Variants in ABCA9 observed in about 807,000 individuals in gnomAD.
ABCA9 encodes ATP binding cassette subfamily A member 9.
Under a neutral mutation model 205.3 loss-of-function variants are expected in ABCA9, and 183 were observed. The ratio of observed to expected loss-of-function variants is 0.89; its 90% confidence interval spans 0.79 to 1.01. The LOEUF (loss-of-function observed/expected upper bound fraction) is 1.01, where lower values mean the gene tolerates loss of function less well. Ranked by LOEUF, ABCA9 falls within the 50% of genes least tolerant of loss-of-function variation. The pLI is 0.00. For synonymous variants in ABCA9, 651 were observed against 683.3 expected, an observed-to-expected ratio of 0.95 and a Z score of 0.74; for missense variants, 1,805 against 1,912.4, an observed-to-expected ratio of 0.94 and a Z score of 1.05.
chr17:69,063,714 A>G (rs532021360), upstream of ABCA9, among the ~76,000 whole-genome samples: 9 of 152,206 alleles, frequency 5.9e-5, no homozygotes, highest in Admixed American at 5.9e-4. Flanking sequence ...CTGGAACTAC[A>G]GGCGCCCGCC....
Position 68,994,882 on chromosome 17 carries a change from G to A in ABCA9, c.3555+1013C>T, listed in dbSNP as rs77275874. Among the ~76,000 whole-genome samples, 57 of 152,198 alleles carry A rather than the reference G, an allele frequency of 3.7e-4. No homozygotes were observed. In the East Asian group the frequency reaches 8.9e-3, roughly 24 times the overall value. ...CATGAGTTTCTCTAACATCAGCATA[G>A]TATTTTCCTTCTTAGCACAGACAAA... On this transcript the variant is annotated intron_variant, in intron 26 of 38. Coordinates refer to ENST00000340001, the MANE Select transcript of ABCA9 (RefSeq NM_080283.4).
chr17:69,027,113 A>T lies in ABCA9; in HGVS notation c.1913T>A (p.Val638Asp). 1 of 1,613,828 alleles carries T rather than the reference A, an allele frequency of 6.2e-7. No homozygotes were observed. The highest frequency in any genetic ancestry group is 1.1e-5 in the South Asian group (1 of 91,016). The change falls in exon 15 of 39, where the codon GTT becomes GAT. Residue 638 changes from valine to aspartate, a missense_variant and splice_region_variant. Val to Asp is a radical substitution (Grantham distance 152, BLOSUM62 -3). Transcript: ENST00000340001. ...FGIAILGDPQ[V>D]LLLDEPTAGL... is the part of the protein sequence containing the mutation. The stretch of plus-strand genomic sequence containing the variant: ...AGCAGTCGGTTCATCCAATAGCAAA[A>T]CCTGGACAGGAGGAAAGTCCTAAAG...
chr17:69,014,273 C>A (rs2070495586), intron 22 of ABCA9, among the ~76,000 whole-genome samples: 1 of 152,152 alleles, frequency 6.6e-6, no homozygotes, highest in Non-Finnish European at 1.5e-5. Context: ...TGAAGGGTCA[C>A]ATTCAAAACA....
At chr17:69,075,567 T>C in the ABCA9 span, among the ~76,000 whole-genome samples, 1 of 152,160 alleles carries the variant, frequency 6.6e-6, no homozygotes. Context: ...TGTGGCTTTA[T>C]TTCTGTGTTC....
upstream of ABCA9, among the ~76,000 whole-genome samples, chr17:69,064,335 A>G (rs2072320885): frequency 1.3e-5 from 2 of 152,184 alleles, no homozygotes; most frequent in South Asian, 4.1e-4. Context: ...TCAAATGTTA[A>G]CAAACGTATC....
intron 6 of ABCA9, among the ~76,000 whole-genome samples, chr17:69,040,030 G>A (rs889183699): frequency 3.9e-5 from 6 of 152,130 alleles, no homozygotes; most frequent in Admixed American, 3.9e-4. Flanking sequence ...CAGTTAGAAC[G>A]GTGATCATTA....
chr17:69,055,132 G>A (rs1408822293), intron 1 of ABCA9, among the ~76,000 whole-genome samples: 1 of 152,080 alleles, frequency 6.6e-6, no homozygotes, highest in Non-Finnish European at 1.5e-5. Context: ...TAACAAATTT[G>A]GTAGATACTA....
intron 1 of ABCA9, among the ~76,000 whole-genome samples, chr17:69,056,524 C>T (rs1325730034): frequency 6.6e-6 from 1 of 152,160 alleles, no homozygotes; most frequent in African/African-American, 2.4e-5. Context: ...AATCAATAAT[C>T]TTCAAAACAG....
rs555930815 is a variant in ABCA9 at position 68,974,535 on chromosome 17, A to G, written c.*1380T>C. ...TATTTTCAAAAACTAGAAGAATATA[A>G]GAACTAAAATCAAAGCCAAGGTCTT... On this transcript the variant is annotated 3_prime_UTR_variant, in exon 39 of 39. Transcript: ENST00000340001. 11 of 152,366 alleles carry G rather than the reference A, an allele frequency of 7.2e-5. No individual in the cohort carries two copies. The highest frequency in any genetic ancestry group is 6.5e-4 in the Admixed American group (10 of 15,302). 9.4% of individuals were successfully genotyped at this position (152,366 alleles called of 1,614,324 possible). A position where few individuals can be genotyped will look rare whatever the true frequency, so the allele number is the denominator to read the frequency against.
rs1398550301 is a variant in ABCA9 at position 69,009,860 on chromosome 17, C to T, written c.3148-1625G>A. 3.3e-5 allele frequency among the ~76,000 whole-genome samples: 5 copies of T among 152,090 alleles called. No homozygotes were observed. The East Asian group carries it at 7.7e-4, about 23-fold the overall frequency. On this transcript the variant is annotated intron_variant, in intron 23 of 38. Transcript: ENST00000340001. ...GAGAGAGAAAGAAAGACATTGACAT[C>T]GTGGGGTTGCCAGTTAAATTTGAAT... is the stretch of plus-strand genomic sequence containing the variant.
In ABCA9 at chr17:69,002,603, G is replaced by A. The variant is rs534354049; in HGVS notation, c.3435+5156C>T. On this transcript the variant is annotated intron_variant, in intron 25 of 38. Transcript: ENST00000340001. ...AAAAAAATGTATTCTGTTGATTTGGGGTGGAGAGTTCTGTAGATGTCTATT... is the reference window on the plus strand; with the variant it reads ...AAAAAAATGTATTCTGTTGATTTGGAGTGGAGAGTTCTGTAGATGTCTATT... Among the ~76,000 whole-genome samples, 529 of 152,264 alleles carry A rather than the reference G, an allele frequency of 3.5e-3. 2 individuals are homozygous for A. Among genetic ancestry groups the A allele is most frequent in the African/African-American group, 0.011 (467 of 41,532 alleles).
chr17:69,072,170 C>G, the ABCA9 span, among the ~76,000 whole-genome samples: 2 of 152,138 alleles, frequency 1.3e-5, no homozygotes, highest in Admixed American at 6.5e-5. Context: ...GGGAAACACT[C>G]TTCGGGATAT....
In ABCA9 at chr17:69,036,871, C is replaced by CAA. The variant is rs781565554; in HGVS notation, c.801-1072_801-1071dup. Among the ~76,000 whole-genome samples the CAA allele has an allele frequency of 1.5e-3, 7 of 4,712 alleles. 3 individuals are homozygous for CAA. Among genetic ancestry groups the CAA allele is most frequent in the Admixed American group, 8.3e-3 (2 of 242 alleles). 3.1% of individuals were successfully genotyped at this position (4,712 alleles called of 152,430 possible). On this transcript the variant is annotated intron_variant, in intron 6 of 38. Coordinates refer to ENST00000340001, the MANE Select transcript of ABCA9 (RefSeq NM_080283.4). ...GAATATTTACCAAGTAAATGGAAAG[C>CAA]AAAAAAAAAAAAAAAAAAAAAAAAA...
Position 69,045,275 on chromosome 17 carries a change from T to C in ABCA9, c.366A>G (p.Ser122=), listed in dbSNP as rs2071673767. 1 of 1,613,198 alleles carries C rather than the reference T, an allele frequency of 6.2e-7. No homozygotes were observed. The highest frequency in any genetic ancestry group is 1.3e-5 in the African/African-American group (1 of 74,794). ...TAAAGATGACTCTCACTGCGTCTAT[T>C]GAATAGTTCAAATCCAATTCATCCA... ...KSMDELDLNY[S]IDAVRVIFTD... Residue 122 remains serine (S), a synonymous_variant, in exon 4 of 39, where the codon TCA becomes TCG. Transcript: ENST00000340001.
At position 69,016,316 on chromosome 17, in the gene ABCA9, AT is replaced by A. The variant is rs753790001; in HGVS notation, c.2975del (p.Asn992MetfsTer51). On this transcript the variant is annotated frameshift_variant, in exon 22 of 39. Coordinates refer to ENST00000340001, the MANE Select transcript of ABCA9 (RefSeq NM_080283.4). LOFTEE classifies it high-confidence loss of function. ...CFPVLLDVISNGLLGIFNSSE... is the reference protein window; with the variant it reads ...CFPVLLDVISXGLLGIFNSSE... ...ACGAATTAAAAATTCCAAGTAGTCCATTGCTAATGACATCCAGGAGGACAGG... is the reference window on the plus strand; with the variant it reads ...ACGAATTAAAAATTCCAAGTAGTCCATGCTAATGACATCCAGGAGGACAGG... 5.0e-6 allele frequency: 8 copies of A among 1,603,456 alleles called. No individual in the cohort carries two copies. The African/African-American group carries it at 9.5e-5, about 19-fold the overall frequency.
rs758566419 is a variant in ABCA9 at position 69,033,896 on chromosome 17, A to G, written c.1129-23T>C. 2.0e-5 allele frequency: 30 copies of G among 1,535,506 alleles called. No individual in the cohort carries two copies. The South Asian group carries it at 3.3e-4, about 17-fold the overall frequency. Reference sequence around the variant, plus strand: ...AAGCTGAAAAAGAAAGATACAGTGAATTTTAAAAGAATTAATATGGCATTA... The same window carrying G: ...AAGCTGAAAAAGAAAGATACAGTGAGTTTTAAAAGAATTAATATGGCATTA... On this transcript the variant is annotated intron_variant, in intron 8 of 38. Transcript: ENST00000340001.
In ABCA9 at chr17:69,009,893, A is replaced by G. The variant is rs191605562; in HGVS notation, c.3148-1658T>C. On this transcript the variant is annotated intron_variant, in intron 23 of 38. Transcript: ENST00000340001. Reference sequence around the variant, plus strand: ...TGCCAGTTAAATTTGAATTTTAGATAAATAACTTTTTGAGTATAAATATGT... The same window carrying G: ...TGCCAGTTAAATTTGAATTTTAGATGAATAACTTTTTGAGTATAAATATGT... 2.6e-5 allele frequency among the ~76,000 whole-genome samples: 4 copies of G among 152,310 alleles called. No individual in the cohort carries two copies. The East Asian group carries it at 7.7e-4, about 29-fold the overall frequency.
Position 69,049,463 on chromosome 17 carries a change from G to A in ABCA9, c.124C>T (p.Leu42=), listed in dbSNP as rs1220113502. 1 of 1,611,680 alleles carries A rather than the reference G, an allele frequency of 6.2e-7. No individual in the cohort carries two copies. The highest frequency in any genetic ancestry group is 1.1e-5 in the South Asian group (1 of 90,768). The change falls in exon 3 of 39, where the codon CTG becomes TTG. Residue 42 remains leucine, a synonymous_variant. Transcript: ENST00000340001. ...TTGGAGAAAAATAGGTACAGAAACA[G>A]TACCAGAAGAAATGAAAAGAGCCAT... The part of the protein sequence containing the change: ...LEWLFSFLLV[L]FLYLFFSNLH...
At position 69,029,710 on chromosome 17, in the gene ABCA9, G is replaced by A. The variant is rs116609405; in HGVS notation, c.1446-483C>T. On this transcript the variant is annotated intron_variant, in intron 10 of 38. Coordinates refer to ENST00000340001, the MANE Select transcript of ABCA9 (RefSeq NM_080283.4). ...ATGCTGTGTACTCAAGACTCATTGA[G>A]TTCAGTTATTCAGCAGTGATATGGG... Among the ~76,000 whole-genome samples the A allele has an allele frequency of 1.7e-3, 261 of 152,300 alleles. 1 individual carries two copies. Among genetic ancestry groups the A allele is most frequent in the African/African-American group, 6.1e-3 (253 of 41,564 alleles).
Sources: gnomAD v4.1 joint callset for allele counts (sites outside exome capture counted in the v4.1 genomes callset) on GRCh38, gnomAD v4.1.1 for gene constraint, MANE v1.5 for transcripts, NCBI Gene and HGNC (gene_info 2026-07-23, HGNC 2026-07-21) for gene names.